GCN1: variants seen among roughly 807,000 people sequenced by gnomAD.
The protein encoded by GCN1 is stalled ribosome sensor GCN1.
In GCN1, 90 loss-of-function variants were observed where a neutral mutation model predicts 288.4. The ratio of observed to expected loss-of-function variants is 0.31; its 90% CI spans 0.26 to 0.37. The LOEUF is 0.37. GCN1 is among the 10% of genes least tolerant of loss of function. The pLI, the probability that GCN1 is intolerant of heterozygous loss-of-function variation, is 1.00. For synonymous variants in GCN1, 1,386 were observed against 1,420.2 expected (o/e 0.98, Z 0.54); for missense variants, 2,586 against 3,419.9 (o/e 0.76, Z 6.08).
Position 120,145,288 on chromosome 12 carries a change from C to T in GCN1, c.4990G>A (p.Ala1664Thr), listed in dbSNP as rs764495077. The change falls in exon 39 of 58, where the codon GCA becomes ACA. Residue 1664 changes from alanine (A) to threonine (T), a missense_variant. By Grantham distance (58) the Ala-to-Thr change is moderately conservative (BLOSUM62 0). Coordinates refer to ENST00000300648, the MANE Select transcript of GCN1 (RefSeq NM_006836.2). ...YLPSVTPGLK[A>T]SLLDPVPEVR... The stretch of plus-strand genomic sequence containing the variant: ...TCAGGCACAGGGTCCAAAAGCGATG[C>T]TTTCAGGCCAGGCGTCACGCTGGGC... 3.1e-6 allele frequency: 5 copies of T among 1,602,526 alleles called. No individual in the cohort carries two copies. In the South Asian group the frequency reaches 4.5e-5, roughly 14 times the overall value.
At chr12:120,190,938 A>T (rs1878983958) in intron 1 of GCN1, among the ~76,000 whole-genome samples, 1 of 152,166 alleles carries the variant, frequency 6.6e-6, no homozygotes, top group Non-Finnish European at 1.5e-5. Flanking sequence ...AGGTTAGGAG[A>T]TTGGATCCCA....
At chr12:120,185,798 A>G (rs1320915024) in intron 2 of GCN1, among the ~76,000 whole-genome samples, 1 of 152,064 alleles carries the variant, frequency 6.6e-6, no homozygotes. Flanking sequence ...ACAGGGTTTC[A>G]CCACGTTGGC....
intron 51 of GCN1, among the ~76,000 whole-genome samples, chr12:120,135,184 G>A (rs186794579): frequency 1.3e-5 from 2 of 152,130 alleles, no homozygotes; most frequent in Non-Finnish European, 2.9e-5. Flanking sequence ...AGCAGGATAC[G>A]CACTCCACAT....
rs1877803410 is a variant in GCN1 at position 120,157,919 on chromosome 12, A to C, written c.3017T>G (p.Ile1006Ser). 8.1e-6 allele frequency: 13 copies of C among 1,614,034 alleles called. No individual in the cohort carries two copies. Among genetic ancestry groups the C allele is most frequent in the Non-Finnish European group, 9.3e-6 (11 of 1,180,032 alleles). Reference sequence around the variant, plus strand: ...GGCTTGGACAGTGAGGATCTGAAGAATCTGGGCCATCCACTCCTCCTCCTC... The same window carrying C: ...GGCTTGGACAGTGAGGATCTGAAGACTCTGGGCCATCCACTCCTCCTCCTC... ...SEEEEEWMAQ[I>S]LQILTVQAQL... Residue 1006 changes from isoleucine (I) to serine (S), a missense_variant, in exon 26 of 58, where the codon ATT (isoleucine) becomes AGT (serine). Physicochemically the swap from Ile to Ser is moderately radical, Grantham distance 142. This residue lies in a region of GCN1 where 153 missense variants were observed against 252.0 expected (regional missense o/e 0.61). Transcript: ENST00000300648.
chr12:120,192,651 G>C (rs1879040753), intron 1 of GCN1, among the ~76,000 whole-genome samples: 1 of 151,694 alleles, frequency 6.6e-6, no homozygotes. Flanking sequence ...AGAATCGCTT[G>C]AACCCGGGAG....
intron 34 of GCN1, among the ~76,000 whole-genome samples, chr12:120,150,378 C>T (rs781554799): frequency 1.3e-5 from 2 of 151,660 alleles, no homozygotes; most frequent in South Asian, 2.1e-4. Context: ...AGGCAGATCA[C>T]GAGGTCAGGA....
intron 1 of GCN1, among the ~76,000 whole-genome samples, 199 bp from the exon 2 acceptor site, chr12:120,190,599 T>A (rs1566323091): frequency 6.6e-6 from 1 of 152,116 alleles, no homozygotes. Context: ...ACCCACTCGA[T>A]GTCAGTAGCA....
At position 120,131,242 on chromosome 12, in the gene GCN1, G is replaced by C. The variant is rs371411042; in HGVS notation, c.7506C>G (p.Ala2502=). Residue 2502 remains alanine, a synonymous_variant, in exon 55 of 58, where the codon GCC becomes GCG. Transcript: ENST00000300648. ...AVNVAPGRLC[A]GRYSSDVQEM... ...CCTGAACATCACTGCTATATCTGCC[G>C]GCACAAAGTCTGCCAGGAGCCACAT... 6.2e-7 allele frequency: 1 copy of C among 1,614,086 alleles called. No individual in the cohort carries two copies. The highest frequency in any genetic ancestry group is 1.1e-5 in the South Asian group (1 of 91,086).
intron 51 of GCN1, 24 bp downstream of exon 51, chr12:120,136,478 T>G (rs1877007217): frequency 6.4e-7 from 1 of 1,561,752 alleles, no homozygotes; most frequent in African/African-American, 1.4e-5. Flanking sequence ...CTCTAAGATC[T>G]GAACAAACTC....
chr12:120,131,111 A>C (rs1594256777), intron 55 of GCN1, 74 bp downstream of exon 55: 1 of 1,385,734 alleles, frequency 7.2e-7, no homozygotes, highest in East Asian at 2.3e-5. Flanking sequence ...TCTGGGGTCC[A>C]CCCGCGCTGT....
At chr12:120,149,203 T>A (rs1877458947) in intron 36 of GCN1, among the ~76,000 whole-genome samples, 3 of 151,874 alleles carry the variant, frequency 2.0e-5, no homozygotes, top group African/African-American at 7.3e-5. Flanking sequence ...TGAAAGCACA[T>A]AAACTATAGA....
rs775772302 is a variant in GCN1 at position 120,155,325 on chromosome 12, G to A, written c.3546C>T (p.Ala1182=). The change falls in exon 30 of 58, where the codon GCC becomes GCT. Residue 1182 remains alanine (A), a synonymous_variant. Transcript: ENST00000300648. The surrounding 1 kb of genome is among the most constrained non-coding windows in gnomAD (Gnocchi z 4.9). ...EAAVRQAGAE[A]LSQAVARYQR... is the part of the protein sequence containing the mutation. ...GGTAACGTGCCACTGCTTGGGAGAG[G>A]GCTTCGGCCCCTGCCTGCCTTACAG... is the stretch of plus-strand genomic sequence containing the variant. 12 of 1,614,162 alleles carry A rather than the reference G, an allele frequency of 7.4e-6. No individual in the cohort carries two copies. Among genetic ancestry groups the A allele is most frequent in the Admixed American group, 1.7e-5 (1 of 60,012 alleles).
At chr12:120,157,459 G>GT (rs1162008313) in intron 26 of GCN1, among the ~76,000 whole-genome samples, 1 of 152,164 alleles carries the variant, frequency 6.6e-6, no homozygotes, top group Non-Finnish European at 1.5e-5. Flanking sequence ...CACTGGTTAA[G>GT]TAAGGGGCAT....
chr12:120,138,204 G>A, intron 47 of GCN1, 119 bp downstream of exon 47: 2 of 920,862 alleles, frequency 2.2e-6, no homozygotes, highest in Non-Finnish European at 3.6e-6. Context: ...TGTAATGCTT[G>A]CACTGCACCC....
intron 5 of GCN1, among the ~76,000 whole-genome samples, chr12:120,182,867 G>A (rs1878706261): frequency 6.6e-6 from 1 of 150,380 alleles, no homozygotes; most frequent in Non-Finnish European, 1.5e-5. Flanking sequence ...TTGAACCCAG[G>A]AGGCAGAGGT....
chr12:120,172,833 ATAAGTT>A (rs1303382013), intron 14 of GCN1, among the ~76,000 whole-genome samples: 2 of 152,048 alleles, frequency 1.3e-5, no homozygotes, highest in Non-Finnish European at 2.9e-5. Flanking sequence ...AATACAGTTC[ATAAGTT>A]TAAATCTTTT....
At position 120,156,508 on chromosome 12, in the gene GCN1, A is replaced by G. The variant is rs1301133862; in HGVS notation, c.3265T>C (p.Cys1089Arg). Reference sequence around the variant, plus strand: ...CTGGCACACGGGGACTGCAAGGCACAGAGCAGCACGTCCACCTCCTCCTGC... The same window carrying G: ...CTGGCACACGGGGACTGCAAGGCACGGAGCAGCACGTCCACCTCCTCCTGC... The part of the protein sequence containing the change: ...AEQEEVDVLL[C>R]ALQSPCASVR... Residue 1089 changes from cysteine to arginine, a missense_variant, in exon 28 of 58, where the codon TGT becomes CGT. By Grantham distance (180) the Cys-to-Arg change is radical. This residue lies in a region of GCN1 where 332 missense variants were observed against 403.0 expected (regional missense o/e 0.82). Transcript: ENST00000300648. The surrounding 1 kb of genome is among the most constrained non-coding windows in gnomAD (Gnocchi z 5.8). 6.2e-7 allele frequency: 1 copy of G among 1,614,094 alleles called. No individual in the cohort carries two copies. Among genetic ancestry groups the G allele is most frequent in the South Asian group, 1.1e-5 (1 of 91,076 alleles).
At chr12:120,177,210 T>A (rs1488459734) in intron 9 of GCN1, among the ~76,000 whole-genome samples, 1 of 152,134 alleles carries the variant, frequency 6.6e-6, no homozygotes, top group African/African-American at 2.4e-5. Context: ...TGCGCTCAAG[T>A]GATCTGCCCA....
At chr12:120,175,995 C>T in intron 10 of GCN1, 121 bp from the exon 11 acceptor site, 2 of 1,407,772 alleles carry the variant, frequency 1.4e-6, no homozygotes, top group Non-Finnish European at 2.0e-6. Context: ...CAAATAATCT[C>T]AAGAAAGAAA....
Sources: gnomAD v4.1 joint callset for allele counts (sites outside exome capture counted in the v4.1 genomes callset) on GRCh38, gnomAD v4.1.1 for gene constraint, gnomAD v4.1.1 regional missense constraint, Gnocchi (gnomAD v3.1) non-coding constraint, MANE v1.5 for transcripts, NCBI Gene and HGNC (gene_info 2026-07-23, HGNC 2026-07-21) for gene names.